CSMD3: variants seen among roughly 807,000 people sequenced by gnomAD.
CSMD3 encodes CUB and Sushi multiple domains 3, also known as CUB and sushi domain-containing protein 3.
CSMD3 carries 177 observed loss-of-function variants against 435.2 expected under a neutral mutation model. The observed-to-expected ratio is 0.41, with a 90% CI of 0.36 to 0.46. The LOEUF is 0.46. Ranked by LOEUF, CSMD3 falls within the 20% of genes least tolerant of loss-of-function variation. The pLI is 0.34. For missense variants in CSMD3, 4,265 were observed against 4,504.6 expected, an observed-to-expected ratio of 0.95 and a Z score of 1.52; for synonymous variants, 1,656 against 1,520.5, an observed-to-expected ratio of 1.09 and a Z score of -2.07.
At chr8:112,241,843 C>CACAA in intron 65 of CSMD3, 58 bp from the exon 66 acceptor site, 1 of 299,766 alleles carries the variant, frequency 3.3e-6, no homozygotes, top group Non-Finnish European at 5.1e-6. Flanking sequence ...CATACACATG[C>CACAA]GCACACACAC....
At chr8:112,488,929 G>C (rs969718591) in intron 31 of CSMD3, among the ~76,000 whole-genome samples, 1 of 152,190 alleles carries the variant, frequency 6.6e-6, no homozygotes, top group Middle Eastern at 3.4e-3. Context: ...TGACCAATAA[G>C]AGGATAGAGA....
At chr8:113,432,379 C>G (rs1306235134) in intron 1 of CSMD3, among the ~76,000 whole-genome samples, 3 of 152,212 alleles carry the variant, frequency 2.0e-5, no homozygotes. Context: ...ATCTTTCTTC[C>G]TTTGGTTGTC....
intron 10 of CSMD3, among the ~76,000 whole-genome samples, chr8:112,864,403 C>T (rs1235759388): frequency 6.6e-6 from 1 of 151,954 alleles, no homozygotes; most frequent in African/African-American, 2.4e-5. Flanking sequence ...TGCCCGCCAC[C>T]ATGCCCGGTT....
intron 2 of CSMD3, chr8:113,311,998 C>A (rs1228501273): frequency 6.6e-6 from 1 of 151,952 alleles, no homozygotes; most frequent in Non-Finnish European, 1.5e-5. Flanking sequence ...ATATATTACA[C>A]CTGTTTGAAA....
At chr8:112,448,196 C>T (rs1176859335) in intron 32 of CSMD3, among the ~76,000 whole-genome samples, 1 of 152,172 alleles carries the variant, frequency 6.6e-6, no homozygotes, top group Non-Finnish European at 1.5e-5. Context: ...TTGCTGTGTC[C>T]TCACACAGTA....
chr8:112,637,143 G>C, intron 21 of CSMD3, 138 bp from the exon 22 acceptor site: 1 of 698,146 alleles, frequency 1.4e-6, no homozygotes, highest in South Asian at 1.6e-5. Context: ...ATAGCTATCA[G>C]AACGTACAAA....
At chr8:112,645,376 G>C (rs2074952645) in intron 19 of CSMD3, 151 bp from the exon 20 acceptor site, 4 of 691,790 alleles carry the variant, frequency 5.8e-6, no homozygotes, top group Non-Finnish European at 1.1e-5. Context: ...CACTAGAGAA[G>C]AAAAGTGTAC....
rs2132458824 is a variant in CSMD3 at position 113,278,625 on chromosome 8, C to T, written c.481G>A (p.Val161Ile). The change falls in exon 3 of 71, where the codon GTT (valine) becomes ATT (isoleucine). Residue 161 changes from valine to isoleucine, a missense_variant. Coordinates refer to ENST00000297405, the MANE Select transcript of CSMD3 (RefSeq NM_198123.2). ...FSLRLTSDFA[V>I]SAHGFKVYYE... ...TATACCTTAAATCCATGAGCACTAA[C>T]TGCAAAATCACTGGTCAAACGTAGT... is the stretch of plus-strand genomic sequence containing the variant. 6.3e-7 allele frequency: 1 copy of T among 1,593,684 alleles called. No homozygotes were observed. The highest frequency in any genetic ancestry group is 8.6e-7 in the Non-Finnish European group (1 of 1,161,770).
intron 10 of CSMD3, among the ~76,000 whole-genome samples, chr8:112,901,844 G>A (rs147660911): frequency 9.2e-5 from 14 of 151,378 alleles, no homozygotes; most frequent in African/African-American, 3.4e-4. Flanking sequence ...GTGGGACACT[G>A]GATTCTCAAA....
chr8:112,549,047 T>C (rs1827444056), intron 27 of CSMD3, among the ~76,000 whole-genome samples: 1 of 152,010 alleles, frequency 6.6e-6, no homozygotes, highest in Admixed American at 6.6e-5. Flanking sequence ...TAAGGTTGAG[T>C]GTAAAGTGTA....
At chr8:112,623,238 C>A (rs2131525601) in intron 22 of CSMD3, among the ~76,000 whole-genome samples, 1 of 152,180 alleles carries the variant, frequency 6.6e-6, no homozygotes, top group Middle Eastern at 3.4e-3. Context: ...CACTTAAGCC[C>A]AAAACAGATT....
chr8:113,186,571 G>T (rs932226636), intron 3 of CSMD3, among the ~76,000 whole-genome samples: 1 of 152,094 alleles, frequency 6.6e-6, no homozygotes, highest in African/African-American at 2.4e-5. Context: ...ATCAGCTCTT[G>T]TGGAAAAGAG....
intron 13 of CSMD3, among the ~76,000 whole-genome samples, chr8:112,696,254 T>C (rs1288212020): frequency 1.3e-3 from 190 of 151,624 alleles, no homozygotes; most frequent in African/African-American, 4.3e-3. Context: ...CAAAAAAGGG[T>C]CTGCATTGCC....
chr8:113,203,443 A>AC (rs1563541448), intron 3 of CSMD3, among the ~76,000 whole-genome samples: 1 of 146,258 alleles, frequency 6.8e-6, no homozygotes, highest in Non-Finnish European at 1.5e-5. Context: ...TGACCATCTA[A>AC]TTTTTTTTTT....
At chr8:112,838,880 T>C (rs1223462981) in intron 11 of CSMD3, among the ~76,000 whole-genome samples, 2 of 151,684 alleles carry the variant, frequency 1.3e-5, no homozygotes. Flanking sequence ...ATGAAATTTA[T>C]GAAATAGGTA....
At chr8:112,886,488 G>T (rs182304511) in intron 10 of CSMD3, among the ~76,000 whole-genome samples, 2 of 151,358 alleles carry the variant, frequency 1.3e-5, no homozygotes, top group Admixed American at 1.3e-4. Context: ...CCTATCCTGA[G>T]AAATGTGCTG....
chr8:112,503,916 G>A lies in CSMD3; in HGVS notation c.4957C>T (p.Pro1653Ser), dbSNP rs764686207. Residue 1653 changes from proline (P) to serine (S), a missense_variant, in exon 30 of 71, where the codon CCA (proline) becomes TCA (serine). Around this residue, in one of 3 missense-constraint regions of CSMD3, gnomAD observed 3,255 missense variants for 3,380.2 expected, o/e 0.96. Transcript: ENST00000297405. ...CTGTCTTGAAAACTTCCAATCAGTG[G>A]GCTATTACTGTCTGGTCCATCATAG... ...YIYDGPDSNSPLIGSFQDSKL... is the reference protein window; with the variant it reads ...YIYDGPDSNSSLIGSFQDSKL... 6.2e-7 allele frequency: 1 copy of A among 1,611,732 alleles called. No individual in the cohort carries two copies. Among genetic ancestry groups the A allele is most frequent in the South Asian group, 1.1e-5 (1 of 91,024 alleles).
At chr8:112,971,201 A>T (rs552094819) in intron 7 of CSMD3, among the ~76,000 whole-genome samples, 1 of 152,188 alleles carries the variant, frequency 6.6e-6, no homozygotes, top group Non-Finnish European at 1.5e-5. Context: ...GCTCTATGGC[A>T]TTGATTGTAT....
intron 1 of CSMD3, among the ~76,000 whole-genome samples, chr8:113,410,257 C>A (rs915430404): frequency 2.6e-5 from 4 of 152,174 alleles, no homozygotes; most frequent in Non-Finnish European, 5.9e-5. Flanking sequence ...ACCCCTCCAA[C>A]AGTCATATTG....
Sources: allele counts gnomAD v4.1 joint callset (sites outside exome capture counted in the v4.1 genomes callset), GRCh38; gene constraint gnomAD v4.1.1; regional missense constraint gnomAD v4.1.1; transcripts MANE v1.5; gene names NCBI Gene and HGNC (gene_info 2026-07-23, HGNC 2026-07-21).